Variants in SP4 observed in about 807,000 individuals in gnomAD.
SP4 encodes transcription factor Sp4.
In SP4, 19 loss-of-function variants were observed where a neutral mutation model predicts 72.8. The ratio of observed to expected loss-of-function variants is 0.26; its 90% confidence interval spans 0.18 to 0.38. SP4 has a LOEUF of 0.38. Among genes scored for constraint, SP4 ranks in the 10% least tolerant of loss-of-function variants. SP4 has a pLI of 1.00. For synonymous variants in SP4, 395 were observed against 333.1 expected, an observed-to-expected ratio of 1.19 and a Z score of -2.02; for missense variants, 1,008 against 926.3, an observed-to-expected ratio of 1.09 and a Z score of -1.14.
Position 21,497,187 on chromosome 7 carries a change from A to T in SP4, c.2108-13835A>T, listed in dbSNP as rs1414560840. On this transcript the variant is annotated intron_variant, in intron 5 of 5. Transcript: ENST00000222584. ...GGCATTTCTCATGGGGCTACTTCAC[A>T]GAGTCAGATTAAATATGACAGTTTT... Among the ~76,000 whole-genome samples, 8 of 152,238 alleles carry T rather than the reference A, an allele frequency of 5.3e-5. No individual in the cohort carries two copies. The East Asian group carries it at 1.5e-3, about 29-fold the overall frequency.
intron 3 of SP4, among the ~76,000 whole-genome samples, chr7:21,442,891 A>C (rs1323061668): frequency 6.6e-6 from 1 of 152,120 alleles, no homozygotes; most frequent in African/African-American, 2.4e-5. Context: ...GCCTGCCATC[A>C]CACCCAGCTA....
chr7:21,497,387 A>G (rs1439298434), intron 5 of SP4, among the ~76,000 whole-genome samples: 2 of 152,216 alleles, frequency 1.3e-5, no homozygotes, highest in African/African-American at 4.8e-5. Flanking sequence ...AAATACTACA[A>G]AGCTTGCTGT....
chr7:21,494,267 A>G (rs1050219685), intron 5 of SP4, among the ~76,000 whole-genome samples: 2 of 152,216 alleles, frequency 1.3e-5, no homozygotes, highest in Admixed American at 6.5e-5. Context: ...TCACCATAGT[A>G]CTGGAATTTC....
intron 3 of SP4, among the ~76,000 whole-genome samples, chr7:21,449,936 G>A (rs1350438347): frequency 6.6e-6 from 1 of 152,094 alleles, no homozygotes; most frequent in African/African-American, 2.4e-5. Flanking sequence ...TGGTTCGGTT[G>A]CTAGGTAATT....
chr7:21,467,014 T>A (rs991998057), intron 3 of SP4, among the ~76,000 whole-genome samples: 3 of 152,358 alleles, frequency 2.0e-5, no homozygotes, highest in African/African-American at 7.2e-5. Flanking sequence ...TATAATGATA[T>A]GAATGAGAGG....
chr7:21,514,383 T>C lies in SP4; in HGVS notation c.*3114T>C, dbSNP rs1782216104. 6.6e-6 allele frequency: 1 copy of C among 152,622 alleles called. No individual in the cohort carries two copies. The highest frequency in any genetic ancestry group is 2.4e-5 in the African/African-American group (1 of 41,448). The allele number at this position is 152,622 out of a possible 1,614,324, so 9.5% of individuals were successfully genotyped here. ...TTTTTTTATGCATGTCACTAAGTTG[T>C]CATCCCACATAAATTGATGTGCAGC... On this transcript the variant is annotated 3_prime_UTR_variant, in exon 6 of 6. Transcript: ENST00000222584.
chr7:21,438,052 A>G (rs774566279), intron 3 of SP4, among the ~76,000 whole-genome samples: 1 of 151,424 alleles, frequency 6.6e-6, no homozygotes, highest in Non-Finnish European at 1.5e-5. Context: ...TTGGCCCTGG[A>G]AAAACATATG....
At chr7:21,447,672 C>G (rs1336422377) in intron 3 of SP4, among the ~76,000 whole-genome samples, 3 of 152,144 alleles carry the variant, frequency 2.0e-5, no homozygotes, top group Admixed American at 6.5e-5. Flanking sequence ...TGGATTCTAG[C>G]TGCTGTCTTG....
chr7:21,466,818 A>G (rs1784181034), intron 3 of SP4, among the ~76,000 whole-genome samples: 1 of 151,398 alleles, frequency 6.6e-6, no homozygotes, highest in Non-Finnish European at 1.5e-5. Flanking sequence ...CCAGTGTACC[A>G]TGGAATCTCT....
intron 5 of SP4, among the ~76,000 whole-genome samples, chr7:21,501,942 T>G (rs1410951850): frequency 6.6e-6 from 1 of 151,746 alleles, no homozygotes; most frequent in Non-Finnish European, 1.5e-5. Flanking sequence ...TTATAATAGA[T>G]GTAGTTAATC....
At chr7:21,470,767 AAAG>A (rs774989743) in intron 3 of SP4, among the ~76,000 whole-genome samples, 1,549 of 151,204 alleles carry the variant, frequency 0.01, 13 homozygotes, top group South Asian at 0.029. Flanking sequence ...AAAAAAAAAA[AAAG>A]CAGAACAAAA....
chr7:21,474,464 T>A (rs919465556), intron 3 of SP4, among the ~76,000 whole-genome samples: 4 of 152,192 alleles, frequency 2.6e-5, no homozygotes, highest in Non-Finnish European at 5.9e-5. Context: ...GTAAACAAAG[T>A]GTGTGTATCA....
chr7:21,459,052 A>G (rs1001531965), intron 3 of SP4, among the ~76,000 whole-genome samples: 1 of 152,174 alleles, frequency 6.6e-6, no homozygotes, highest in Admixed American at 6.5e-5. Context: ...TTAGTTCTGT[A>G]TTTCCAGAGC....
chr7:21,454,351 C>T (rs1275927715), intron 3 of SP4, among the ~76,000 whole-genome samples: 1 of 90,330 alleles, frequency 1.1e-5, no homozygotes, highest in Admixed American at 1.2e-4. Context: ...TTCCCTTTTA[C>T]TAACTTTTTT....
At chr7:21,439,806 G>A (rs1489122842) in intron 3 of SP4, among the ~76,000 whole-genome samples, 2 of 152,184 alleles carry the variant, frequency 1.3e-5, no homozygotes, top group Non-Finnish European at 2.9e-5. Context: ...GCTGAGGCAG[G>A]AGGATTGCTT....
chr7:21,484,656 A>G (rs745759397), intron 5 of SP4, among the ~76,000 whole-genome samples: 4 of 151,870 alleles, frequency 2.6e-5, no homozygotes, highest in Non-Finnish European at 5.9e-5. Flanking sequence ...ATACTCTGCT[A>G]TTTAGGTCTG....
At chr7:21,480,127 CTCTG>C (rs1315205256) in intron 4 of SP4, among the ~76,000 whole-genome samples, 7 of 152,098 alleles carry the variant, frequency 4.6e-5, no homozygotes, top group African/African-American at 1.7e-4. Flanking sequence ...TGCTTAGTTT[CTCTG>C]TCTGGAACCT....
chr7:21,471,793 C>T (rs757328684), intron 3 of SP4, among the ~76,000 whole-genome samples: 23 of 152,126 alleles, frequency 1.5e-4, no homozygotes, highest in South Asian at 4.1e-4. Context: ...ATGATTGTGC[C>T]GCTGTACTCT....
intron 4 of SP4, among the ~76,000 whole-genome samples, chr7:21,480,736 G>T (rs1198278955): frequency 6.6e-6 from 1 of 152,006 alleles, no homozygotes; most frequent in Non-Finnish European, 1.5e-5. Context: ...ACTTCTTTCT[G>T]GCAAACTAGC....
Sources: gnomAD v4.1 joint callset for allele counts (sites outside exome capture counted in the v4.1 genomes callset) on GRCh38, gnomAD v4.1.1 for gene constraint, MANE v1.5 for transcripts, NCBI Gene and HGNC (gene_info 2026-07-23, HGNC 2026-07-21) for gene names.